Variants in CILK1 observed in about 807,000 individuals in gnomAD.
The protein encoded by CILK1 is ciliogenesis associated kinase 1.
Under a neutral mutation model 79.2 loss-of-function variants are expected in CILK1, and 47 were observed. The ratio of observed to expected loss-of-function variants is 0.59; its 90% CI spans 0.47 to 0.76. The LOEUF is 0.76. CILK1 is among the 30% of genes least tolerant of loss of function. The probability of loss-of-function intolerance (pLI) is 0.00; values close to 1 mark genes in which losing one functional copy is unlikely to be tolerated. For missense variants in CILK1, 660 were observed against 769.5 expected (o/e 0.86, Z 1.68); for synonymous variants, 266 against 275.9 (o/e 0.96, Z 0.36).
chr6:53,059,310 G>A (rs1768216202), intron 1 of CILK1, among the ~76,000 whole-genome samples: 1 of 152,170 alleles, frequency 6.6e-6, no homozygotes, highest in Admixed American at 6.5e-5. Flanking sequence ...GTGGAGTCAG[G>A]CCCTTGCCCC....
At chr6:53,016,371 C>A in intron 7 of CILK1, 121 bp from the exon 8 acceptor site, 1 of 880,640 alleles carries the variant, frequency 1.1e-6, no homozygotes, top group Non-Finnish European at 1.9e-6. Context: ...CATTCATTAA[C>A]CACCCACATT....
chr6:53,016,122 C>T lies in CILK1; in HGVS notation c.792G>A (p.Met264Ile), dbSNP rs1764877888. 1 of 1,613,944 alleles carries T rather than the reference C, an allele frequency of 6.2e-7. No individual in the cohort carries two copies. Among genetic ancestry groups the T allele is most frequent in the Non-Finnish European group, 8.5e-7 (1 of 1,179,964 alleles). ...GTCGTTTCTTGGGATCCCACTGAAGCATGTCTCTCAGGAGCTGGACTGCTT... is the reference window on the plus strand; with the variant it reads ...GTCGTTTCTTGGGATCCCACTGAAGTATGTCTCTCAGGAGCTGGACTGCTT... ...SSEAVQLLRD[M>I]LQWDPKKRPT... The change falls in exon 8 of 14, where the codon ATG becomes ATA. Residue 264 changes from methionine (M) to isoleucine (I), a missense_variant. Coordinates refer to ENST00000676107, the MANE Select transcript of CILK1 (RefSeq NM_014920.5).
At chr6:53,053,581 G>T (rs939527450) in intron 1 of CILK1, among the ~76,000 whole-genome samples, 3 of 152,188 alleles carry the variant, frequency 2.0e-5, no homozygotes, top group African/African-American at 7.2e-5. Context: ...TAATGTGGCA[G>T]AAATGAGACA....
intron 5 of CILK1, among the ~76,000 whole-genome samples, chr6:53,022,124 T>C (rs1765280983): frequency 6.6e-6 from 1 of 152,174 alleles, no homozygotes; most frequent in African/African-American, 2.4e-5. Context: ...CCAAATGTTA[T>C]TATAAAAGAG....
rs149655286 is a variant in CILK1, at chr6:53,024,993, C to T, written c.359-5634G>A. Among the ~76,000 whole-genome samples, 532 of 151,964 alleles carry T rather than the reference C, an allele frequency of 3.5e-3. 4 individuals are homozygous for T. Among genetic ancestry groups the T allele is most frequent in the Non-Finnish European group, 6.3e-3 (426 of 67,972 alleles). On this transcript the variant is annotated intron_variant, in intron 5 of 13. Transcript: ENST00000676107. ...GATTACAGGCCTGCACCACCATGCC[C>T]GGCTAATTTTTGTATTTTTAGTAGA... is the stretch of plus-strand genomic sequence containing the variant.
intron 8 of CILK1, among the ~76,000 whole-genome samples, chr6:53,014,395 T>C (rs1320129121): frequency 6.6e-6 from 1 of 152,206 alleles, no homozygotes; most frequent in Non-Finnish European, 1.5e-5. Context: ...TGGAAGACTC[T>C]GAAGAATTGA....
intron 3 of CILK1, among the ~76,000 whole-genome samples, chr6:53,037,547 T>C (rs917594271): frequency 6.6e-6 from 1 of 152,150 alleles, no homozygotes; most frequent in African/African-American, 2.4e-5. Context: ...TGGGGGTCAA[T>C]GAATTTCCTC....
In CILK1 at chr6:53,021,700, G is replaced by A. The variant is rs978160488; in HGVS notation, c.359-2341C>T. Among the ~76,000 whole-genome samples the A allele has an allele frequency of 2.2e-3, 340 of 151,658 alleles. 6 individuals are homozygous for A. Among genetic ancestry groups the A allele is most frequent in the Non-Finnish European group, 2.5e-4 (17 of 67,958 alleles). On this transcript the variant is annotated intron_variant, in intron 5 of 13. Coordinates refer to ENST00000676107, the MANE Select transcript of CILK1 (RefSeq NM_014920.5). ...ATTAATGATGGACTGCATATATGAT[G>A]GTGGTCTTATTATAATGAAGCTGAA...
chr6:53,053,091 G>A (rs376520174), intron 1 of CILK1, among the ~76,000 whole-genome samples: 4 of 150,286 alleles, frequency 2.7e-5, no homozygotes, highest in South Asian at 4.3e-4. Context: ...AAAATTGGAA[G>A]AGAAGAAAAA....
At chr6:53,025,693 G>C (rs930026078) in intron 5 of CILK1, among the ~76,000 whole-genome samples, 1 of 152,152 alleles carries the variant, frequency 6.6e-6, no homozygotes, top group Non-Finnish European at 1.5e-5. Flanking sequence ...CTATAAAAAT[G>C]ACTGATGAAA....
intron 3 of CILK1, among the ~76,000 whole-genome samples, chr6:53,037,483 A>G (rs1256074818): frequency 6.6e-6 from 1 of 152,120 alleles, no homozygotes; most frequent in Non-Finnish European, 1.5e-5. Context: ...GTTCAGGGTT[A>G]GGCTGTGGCC....
At chr6:53,020,351 C>A (rs550499867) in intron 5 of CILK1, among the ~76,000 whole-genome samples, 2 of 152,306 alleles carry the variant, frequency 1.3e-5, no homozygotes, top group South Asian at 4.1e-4. Context: ...ACCTAGACAT[C>A]ATTTAATGTG....
chr6:53,017,505 G>A (rs866897272), intron 7 of CILK1, among the ~76,000 whole-genome samples: 1 of 152,172 alleles, frequency 6.6e-6, no homozygotes, highest in Non-Finnish European at 1.5e-5. Context: ...GGTATGAAGT[G>A]AGCGATAGGA....
At chr6:53,055,675 C>T (rs1052679121) in intron 1 of CILK1, among the ~76,000 whole-genome samples, 6 of 152,296 alleles carry the variant, frequency 3.9e-5, no homozygotes, top group African/African-American at 1.2e-4. Flanking sequence ...AAAAAGAACT[C>T]GTCCTGCACT....
At chr6:53,023,308 C>T (rs796292228) in intron 5 of CILK1, among the ~76,000 whole-genome samples, 2 of 152,256 alleles carry the variant, frequency 1.3e-5, no homozygotes, top group African/African-American at 2.4e-5. Context: ...ATGCCTGGCA[C>T]AGTGGCAGGA....
At chr6:53,041,825 C>T (rs1766730712) in intron 1 of CILK1, among the ~76,000 whole-genome samples, 1 of 151,926 alleles carries the variant, frequency 6.6e-6, no homozygotes, top group Non-Finnish European at 1.5e-5. Context: ...GGGTTGGTTC[C>T]CACTCTGGGC....
At chr6:53,050,643 G>A (rs1019908043) in intron 1 of CILK1, among the ~76,000 whole-genome samples, 8 of 151,872 alleles carry the variant, frequency 5.3e-5, no homozygotes, top group Non-Finnish European at 1.0e-4. Context: ...CTGGGCAACA[G>A]GGCAAAACCC....
At chr6:53,041,725 C>A (rs1766722762) in intron 1 of CILK1, among the ~76,000 whole-genome samples, 1 of 152,074 alleles carries the variant, frequency 6.6e-6, no homozygotes, top group Non-Finnish European at 1.5e-5. Flanking sequence ...TCCAGGTGCA[C>A]ACTAGGTGAA....
At chr6:53,037,781 ACCAT>A (rs1766456038) in intron 3 of CILK1, among the ~76,000 whole-genome samples, 154 bp downstream of exon 3, 1 of 152,216 alleles carries the variant, frequency 6.6e-6, no homozygotes, top group African/African-American at 2.4e-5. Flanking sequence ...ATACAATTAT[ACCAT>A]AATCTTCTGC....
Sources: allele counts gnomAD v4.1 joint callset (sites outside exome capture counted in the v4.1 genomes callset), GRCh38; gene constraint gnomAD v4.1.1; transcripts MANE v1.5; gene names NCBI Gene and HGNC (gene_info 2026-07-23, HGNC 2026-07-21).